Variants in ERBB4 observed in about 807,000 individuals in gnomAD.
ERBB4 encodes the protein receptor tyrosine-protein kinase erbB-4.
A neutral mutation model predicts 158.0 loss-of-function variants in ERBB4; 42 were observed. The ratio of observed to expected loss-of-function variants is 0.27; its 90% confidence interval spans 0.21 to 0.34. The LOEUF (loss-of-function observed/expected upper bound fraction) is 0.34, where lower values mean the gene tolerates loss of function less well. ERBB4 is among the 10% of genes least tolerant of loss of function. The probability of loss-of-function intolerance (pLI) is 1.00; values close to 1 mark genes in which losing one functional copy is unlikely to be tolerated. For synonymous variants in ERBB4, 583 were observed against 558.7 expected (o/e 1.04, Z -0.61); for missense variants, 1,333 against 1,624.1 (o/e 0.82, Z 3.08).
chr2:211,978,401 T>TCTATCTAG (rs1021681086), intron 2 of ERBB4, among the ~76,000 whole-genome samples: 2 of 146,240 alleles, frequency 1.4e-5, no homozygotes, highest in Non-Finnish European at 3.0e-5. Flanking sequence ...TGTCTGTCTA[T>TCTATCTAG]CTATCTATCT....
chr2:211,726,441 A>G (rs1168429455), intron 5 of ERBB4, among the ~76,000 whole-genome samples: 3 of 152,068 alleles, frequency 2.0e-5, no homozygotes, highest in Non-Finnish European at 4.4e-5. Flanking sequence ...TCTTCTTCCC[A>G]CACCCACTAC....
chr2:212,076,160 A>G (rs1001203500), intron 2 of ERBB4, among the ~76,000 whole-genome samples: 2 of 151,854 alleles, frequency 1.3e-5, no homozygotes, highest in African/African-American at 4.8e-5. Context: ...TTTTGGAGAT[A>G]TTTCTGAGGG....
rs551002599 is a variant in ERBB4 at position 212,372,840 on chromosome 2, A to G, written c.82+165609T>C. 7.9e-5 allele frequency among the ~76,000 whole-genome samples: 12 copies of G among 152,296 alleles called. 1 individual carries two copies. The highest frequency in any genetic ancestry group is 1.6e-4 in the Non-Finnish European group (11 of 68,014). ...TGTAGTTCTTTATACACTACATTTT[A>G]CTTTCTTCTCCCATGCCATTGTTCA... On this transcript the variant is annotated intron_variant, in intron 1 of 27. Transcript: ENST00000342788.
At chr2:212,064,221 A>G (rs1186855335) in intron 2 of ERBB4, among the ~76,000 whole-genome samples, 1 of 152,184 alleles carries the variant, frequency 6.6e-6, no homozygotes, top group Non-Finnish European at 1.5e-5. Flanking sequence ...TACCTGAGAC[A>G]GGTATGTCTA....
At chr2:211,403,750 C>T (rs941481164) in intron 25 of ERBB4, among the ~76,000 whole-genome samples, 4 of 152,114 alleles carry the variant, frequency 2.6e-5, no homozygotes, top group African/African-American at 9.7e-5. Context: ...CTTTCTCTGA[C>T]TCAATCGGTT....
At chr2:212,134,402 C>A (rs115870240) in intron 1 of ERBB4, among the ~76,000 whole-genome samples, 1,515 of 151,226 alleles carry the variant, frequency 0.01, 16 homozygotes, top group African/African-American at 0.035. Context: ...GTGATTAGGG[C>A]CAAAAGAGTT....
intron 4 of ERBB4, among the ~76,000 whole-genome samples, chr2:211,752,485 T>C (rs1254746449): frequency 1.0e-5 from 1 of 96,774 alleles, no homozygotes; most frequent in Non-Finnish European, 2.1e-5. Flanking sequence ...GAATACTACC[T>C]AACTGGAAAA....
chr2:212,506,433 A>G (rs1691200274), intron 1 of ERBB4, among the ~76,000 whole-genome samples: 1 of 124,228 alleles, frequency 8.0e-6, no homozygotes, highest in Non-Finnish European at 2.0e-5. Flanking sequence ...GGCAGGCAAA[A>G]GCTAGGCCTT....
At chr2:212,213,143 G>C (rs2082990835) in intron 1 of ERBB4, among the ~76,000 whole-genome samples, 1 of 151,856 alleles carries the variant, frequency 6.6e-6, no homozygotes, top group Non-Finnish European at 1.5e-5. Flanking sequence ...CTACGAATAG[G>C]AGAAAATTTT....
intron 1 of ERBB4, among the ~76,000 whole-genome samples, chr2:212,473,797 C>T (rs1450634284): frequency 6.6e-6 from 1 of 151,928 alleles, no homozygotes; most frequent in Non-Finnish European, 1.5e-5. Context: ...CATAAGATAT[C>T]TAATATGAGT....
rs141755507 is a variant in ERBB4, at chr2:211,465,812, G to C, written c.2488-34712C>G. 2.0e-5 allele frequency among the ~76,000 whole-genome samples: 3 copies of C among 152,210 alleles called. No homozygotes were observed. The East Asian group carries it at 5.8e-4, about 29-fold the overall frequency. ...ACTTACAGTAGTTACCTCTGGGCAG[G>C]AGTCTATTGTTCATGATTAGGACTT... On this transcript the variant is annotated intron_variant, in intron 20 of 27. Coordinates refer to ENST00000342788, the MANE Select transcript of ERBB4 (RefSeq NM_005235.3).
At chr2:211,725,748 A>T (rs2074246031) in intron 5 of ERBB4, among the ~76,000 whole-genome samples, 1 of 152,128 alleles carries the variant, frequency 6.6e-6, no homozygotes, top group Admixed American at 6.6e-5. Flanking sequence ...AATGGGTCTA[A>T]GACTTTTAGT....
intron 1 of ERBB4, among the ~76,000 whole-genome samples, chr2:212,417,080 T>C (rs1380432674): frequency 1.3e-5 from 2 of 152,074 alleles, no homozygotes; most frequent in Non-Finnish European, 2.9e-5. Context: ...GCGTTCAAGA[T>C]AGAAAGATCA....
intron 1 of ERBB4, among the ~76,000 whole-genome samples, chr2:212,504,156 T>C (rs903743387): frequency 2.0e-5 from 3 of 152,216 alleles, no homozygotes; most frequent in Non-Finnish European, 4.4e-5. Context: ...TGAATTCTAG[T>C]TGTATTAAAC....
intron 1 of ERBB4, among the ~76,000 whole-genome samples, chr2:212,154,068 G>A (rs1188253458): frequency 1.3e-5 from 2 of 151,994 alleles, no homozygotes; most frequent in South Asian, 2.1e-4. Flanking sequence ...AGCTAGAAAG[G>A]AATCTCTTTA....
rs192275759 is a variant in ERBB4, at chr2:211,509,080, G to A, written c.2487+52823C>T. Reference sequence around the variant, plus strand: ...CCATCACTCTCAGCAAACTATCACAGGAACAGAAAACCAAACACCGCATGT... The same window carrying A: ...CCATCACTCTCAGCAAACTATCACAAGAACAGAAAACCAAACACCGCATGT... On this transcript the variant is annotated intron_variant, in intron 20 of 27. Coordinates refer to ENST00000342788, the MANE Select transcript of ERBB4 (RefSeq NM_005235.3). Among the ~76,000 whole-genome samples the A allele has an allele frequency of 3.5e-3, 532 of 152,212 alleles. 4 individuals carry two copies. The highest frequency in any genetic ancestry group is 0.012 in the African/African-American group (486 of 41,530).
intron 1 of ERBB4, among the ~76,000 whole-genome samples, chr2:212,324,161 C>T (rs1431430141): frequency 4.0e-5 from 6 of 150,792 alleles, no homozygotes; most frequent in East Asian, 1.9e-4. Context: ...TATGACCACA[C>T]GAATAACCAG....
At chr2:211,427,716 C>A in intron 22 of ERBB4, among the ~76,000 whole-genome samples, 1 of 152,100 alleles carries the variant, frequency 6.6e-6, no homozygotes, top group South Asian at 2.1e-4. Flanking sequence ...AAGAAACCCA[C>A]AAAAAAGTTG....
chr2:211,431,241 G>A, intron 20 of ERBB4, 141 bp from the exon 21 acceptor site: 1 of 729,668 alleles, frequency 1.4e-6, no homozygotes, highest in South Asian at 1.7e-5. Context: ...TTCAAAATTA[G>A]AGAAAACCTG....
Sources: gnomAD v4.1 joint callset for allele counts (sites outside exome capture counted in the v4.1 genomes callset) on GRCh38, gnomAD v4.1.1 for gene constraint, MANE v1.5 for transcripts, NCBI Gene and HGNC (gene_info 2026-07-23, HGNC 2026-07-21) for gene names.